The following FAT3 variants were observed in gnomAD, a reference collection of about 807,000 sequenced individuals.
The protein encoded by FAT3 is FAT atypical cadherin 3.
In FAT3, 95 loss-of-function variants were observed where a neutral mutation model predicts 310.2. The ratio of observed to expected loss-of-function variants is 0.31; its 90% CI spans 0.26 to 0.36. The LOEUF (loss-of-function observed/expected upper bound fraction) is 0.36, where lower values mean the gene tolerates loss of function less well. Ranked by LOEUF, FAT3 falls within the 10% of genes least tolerant of loss-of-function variation. FAT3 has a pLI of 1.00. For synonymous variants in FAT3, 2,314 were observed against 2,192.9 expected, an observed-to-expected ratio of 1.06 and a Z score of -1.54; for missense variants, 5,408 against 5,715.6, an observed-to-expected ratio of 0.95 and a Z score of 1.74.
intron 3 of FAT3, among the ~76,000 whole-genome samples, chr11:92,638,971 T>C (rs957436510): frequency 1.3e-5 from 2 of 152,196 alleles, no homozygotes; most frequent in African/African-American, 4.8e-5. Context: ...TCAGATTCCA[T>C]GCCTACAAGC....
Position 92,801,428 on chromosome 11 carries a change from G to A in FAT3, c.8415G>A (p.Leu2805=), listed in dbSNP as rs781169087. The A allele has an allele frequency of 3.1e-6, 5 of 1,613,760 alleles. No individual in the cohort carries two copies. The highest frequency in any genetic ancestry group is 4.2e-6 in the Non-Finnish European group (5 of 1,179,872). Residue 2805 remains leucine, a synonymous_variant, in exon 10 of 28, where the codon TTG becomes TTA. Transcript: ENST00000525166. The part of the protein sequence containing the change: ...VFTVDVDIKV[L]DLNDNKPVFE... ...CTGTGGATGTAGATATCAAGGTATTGGATTTGAATGACAACAAGCCAGTCT... is the reference window on the plus strand; with the variant it reads ...CTGTGGATGTAGATATCAAGGTATTAGATTTGAATGACAACAAGCCAGTCT...
At chr11:92,698,486 A>T (rs2135910427) in intron 4 of FAT3, among the ~76,000 whole-genome samples, 1 of 152,318 alleles carries the variant, frequency 6.6e-6, no homozygotes, top group African/African-American at 2.4e-5. Flanking sequence ...AAATTTGGCA[A>T]ACAATTACAA....
At chr11:92,765,345 T>A (rs936257843) in intron 6 of FAT3, among the ~76,000 whole-genome samples, 14 of 152,186 alleles carry the variant, frequency 9.2e-5, no homozygotes, top group Non-Finnish European at 1.5e-5. Context: ...AATCTTAATG[T>A]CTTTCTGTGT....
intron 1 of FAT3, among the ~76,000 whole-genome samples, chr11:92,251,576 T>C (rs1204539898): frequency 6.6e-6 from 1 of 152,154 alleles, no homozygotes; most frequent in African/African-American, 2.4e-5. Context: ...TCCAATAATA[T>C]GCTTATAAAC....
intron 3 of FAT3, among the ~76,000 whole-genome samples, chr11:92,580,837 A>C (rs1437287007): frequency 6.6e-6 from 1 of 151,978 alleles, no homozygotes; most frequent in East Asian, 1.9e-4. Context: ...CTGAGCCTAC[A>C]TGGCCTCCTT....
At chr11:92,711,245 A>G (rs1218722555) in intron 4 of FAT3, among the ~76,000 whole-genome samples, 4 of 152,166 alleles carry the variant, frequency 2.6e-5, no homozygotes, top group Non-Finnish European at 5.9e-5. Context: ...ATATAGTTTC[A>G]TATCCTTGCT....
intron 2 of FAT3, among the ~76,000 whole-genome samples, chr11:92,373,764 AC>A (rs1949261763): frequency 1.8e-5 from 1 of 54,686 alleles, no homozygotes; most frequent in Admixed American, 1.5e-4. Context: ...ATGTATGCAC[AC>A]ACACACACAC....
chr11:92,792,099 G>C (rs1947054962), intron 8 of FAT3, among the ~76,000 whole-genome samples: 1 of 152,100 alleles, frequency 6.6e-6, no homozygotes, highest in South Asian at 2.1e-4. Context: ...ACTCCTACTT[G>C]TTCTTGTTAC....
At chr11:92,529,983 G>C (rs1161187946) in intron 3 of FAT3, among the ~76,000 whole-genome samples, 1 of 152,198 alleles carries the variant, frequency 6.6e-6, no homozygotes, top group Non-Finnish European at 1.5e-5. Flanking sequence ...CTCTTCAAAA[G>C]TGTGTGTGCT....
At chr11:92,580,261 A>G (rs1169478745) in intron 3 of FAT3, among the ~76,000 whole-genome samples, 1 of 152,022 alleles carries the variant, frequency 6.6e-6, no homozygotes, top group Non-Finnish European at 1.5e-5. Context: ...CCTTACTTAG[A>G]TGCCTCAATA....
chr11:92,760,103 A>G (rs991492293), intron 4 of FAT3, among the ~76,000 whole-genome samples: 10 of 152,252 alleles, frequency 6.6e-5, no homozygotes, highest in African/African-American at 2.4e-4. Context: ...AATTAGCTCA[A>G]GAGTCAAAAT....
At chr11:92,481,820 T>C (rs1459929138) in intron 2 of FAT3, among the ~76,000 whole-genome samples, 1 of 152,194 alleles carries the variant, frequency 6.6e-6, no homozygotes, top group Admixed American at 6.5e-5. Flanking sequence ...TCGGAATAAG[T>C]TTATTTTTAA....
At position 92,835,100 on chromosome 11, in the gene FAT3, T is replaced by TG; in HGVS notation, c.10086+20dup. ...TGTCATTTTGGTAGGTACCTGGGGTTGGGGATGGTTCTAGATGTTTGGGAC... is the reference window on the plus strand; with the variant it reads ...TGTCATTTTGGTAGGTACCTGGGGTTGGGGGATGGTTCTAGATGTTTGGGAC... On this transcript the variant is annotated intron_variant, in intron 15 of 27. Transcript: ENST00000525166. 6.2e-7 allele frequency: 1 copy of TG among 1,605,686 alleles called. No homozygotes were observed. Among genetic ancestry groups the TG allele is most frequent in the Non-Finnish European group, 8.5e-7 (1 of 1,175,324 alleles).
chr11:92,611,114 T>C (rs1017010386), intron 3 of FAT3, among the ~76,000 whole-genome samples: 3 of 151,970 alleles, frequency 2.0e-5, no homozygotes, highest in African/African-American at 7.3e-5. Flanking sequence ...ATTAAGTGAC[T>C]ATCTTCTCTC....
chr11:92,368,830 A>G (rs1243575678), intron 2 of FAT3, among the ~76,000 whole-genome samples: 1 of 139,364 alleles, frequency 7.2e-6, no homozygotes, highest in African/African-American at 3.1e-5. Context: ...GTTTGTGTGT[A>G]TACATATATA....
intron 4 of FAT3, among the ~76,000 whole-genome samples, chr11:92,738,835 A>T (rs1945424476): frequency 6.6e-6 from 1 of 152,182 alleles, no homozygotes; most frequent in South Asian, 2.1e-4. Flanking sequence ...TTCATCCATT[A>T]TCAAGTGGGG....
At chr11:92,283,883 G>A (rs1000007873) in intron 1 of FAT3, among the ~76,000 whole-genome samples, 1 of 152,066 alleles carries the variant, frequency 6.6e-6, no homozygotes, top group Non-Finnish European at 1.5e-5. Context: ...GGGGTGATAA[G>A]TCCCTCTTCC....
chr11:92,854,243 G>A (rs1396568621), intron 19 of FAT3, among the ~76,000 whole-genome samples: 2 of 152,214 alleles, frequency 1.3e-5, no homozygotes, highest in Admixed American at 1.3e-4. Flanking sequence ...GTGGGTGCTG[G>A]GAGCAGGGAG....
intron 3 of FAT3, among the ~76,000 whole-genome samples, chr11:92,653,673 G>A (rs1942469447): frequency 6.6e-6 from 1 of 152,118 alleles, no homozygotes; most frequent in Non-Finnish European, 1.5e-5. Context: ...TACATTAATT[G>A]TTTCCATATG....
Sources: gnomAD v4.1 joint callset for allele counts (sites outside exome capture counted in the v4.1 genomes callset) on GRCh38, gnomAD v4.1.1 for gene constraint, MANE v1.5 for transcripts, NCBI Gene and HGNC (gene_info 2026-07-23, HGNC 2026-07-21) for gene names.